FLCN: variants seen among roughly 807,000 people sequenced by gnomAD.
The protein encoded by FLCN is folliculin, also known as BHD skin lesion fibrofolliculoma protein.
A neutral mutation model predicts 62.5 loss-of-function variants in FLCN; 22 were observed. The observed-to-expected ratio is 0.35, with a 90% CI of 0.25 to 0.50. The LOEUF (loss-of-function observed/expected upper bound fraction) is 0.50. FLCN is among the 20% of genes least tolerant of loss of function. The probability of loss-of-function intolerance (pLI) is 0.97; values close to 1 mark genes in which losing one functional copy is unlikely to be tolerated. For missense variants in FLCN, 657 were observed against 778.0 expected (o/e 0.84, Z 1.85); for synonymous variants, 319 against 310.0 (o/e 1.03, Z -0.30).
chr17:17,217,493 C>A (rs765075764), intron 9 of FLCN: 2 of 424,332 alleles, frequency 4.7e-6, no homozygotes, highest in Non-Finnish European at 4.4e-6. Context: ...TCTACAGACA[C>A]TTTCTGCTGA....
intron 9 of FLCN, among the ~76,000 whole-genome samples, chr17:17,218,184 G>A (rs1207981555): frequency 1.3e-5 from 2 of 152,090 alleles, no homozygotes; most frequent in East Asian, 3.8e-4. Flanking sequence ...CCTCTCTCCC[G>A]GCATCTGACT....
Position 17,213,441 on chromosome 17 carries a change from T to C in FLCN, c.*214A>G, listed in dbSNP as rs2046808915. ...AGCCCATCATCCCTCCGCCTTTCAT[T>C]GCCATCTTCAGCGATTCCAACGGCT... On this transcript the variant is annotated 3_prime_UTR_variant, in exon 14 of 14. Coordinates refer to ENST00000285071, the MANE Select transcript of FLCN (RefSeq NM_144997.7). 1 of 642,768 alleles carries C rather than the reference T, an allele frequency of 1.6e-6. No individual in the cohort carries two copies. Among genetic ancestry groups the C allele is most frequent in the South Asian group, 1.8e-5 (1 of 54,750 alleles). 39.8% of individuals were successfully genotyped at this position (642,768 alleles called of 1,614,324 possible). A position where few individuals can be genotyped will look rare whatever the true frequency, so the allele number is the denominator to read the frequency against.
Position 17,212,852 on chromosome 17 carries a change from G to C in FLCN, c.*803C>G, listed in dbSNP as rs1183871928. 2 of 229,856 alleles carry C rather than the reference G, an allele frequency of 8.7e-6. No homozygotes were observed. Among genetic ancestry groups the C allele is most frequent in the East Asian group, 1.2e-4 (2 of 16,154 alleles). 14.2% of individuals were successfully genotyped at this position (229,856 alleles called of 1,614,324 possible). On this transcript the variant is annotated 3_prime_UTR_variant, in exon 14 of 14. Coordinates refer to ENST00000285071, the MANE Select transcript of FLCN (RefSeq NM_144997.7). ...CACCACACTCCGAAAATAGTTAACT[G>C]TAACCAAACGTAAATGTTGAAAGCA...
chr17:17,214,395 A>C (rs774631818), intron 13 of FLCN, among the ~76,000 whole-genome samples: 1 of 152,086 alleles, frequency 6.6e-6, no homozygotes, highest in Non-Finnish European at 1.5e-5. Context: ...GGAGTTCAAG[A>C]CCAGCCTGGC....
intron 9 of FLCN, among the ~76,000 whole-genome samples, chr17:17,218,692 T>G (rs993168283): frequency 1.3e-5 from 2 of 152,132 alleles, no homozygotes; most frequent in Admixed American, 6.5e-5. Context: ...GACCATCACT[T>G]ACAATGGGCA....
At chr17:17,217,030 C>T (rs41424546) in intron 10 of FLCN, 39 bp downstream of exon 10, 184,072 of 1,444,410 alleles carry the variant, frequency 0.13, 12,717 homozygotes, top group Non-Finnish European at 0.14. Flanking sequence ...CAGGCCAATA[C>T]TGCCCTGCGC....
Position 17,226,430 on chromosome 17 carries a change from AAAT to A in FLCN, c.250-111_250-109del. The A allele has an allele frequency of 3.0e-6, 4 of 1,342,550 alleles. No homozygotes were observed. In the South Asian group the frequency reaches 3.6e-5, roughly 12 times the overall value. The allele number at this position is 1,342,550 out of a possible 1,614,324, so 83.2% of individuals were successfully genotyped here. On this transcript the variant is annotated intron_variant, in intron 4 of 13. Transcript: ENST00000285071. ...GAAAACTCAAGCTATTTTTGTAAAA[AAAT>A]AATTGGCTTCCAGATTTATACTTAT...
Position 17,216,520 on chromosome 17 carries a change from G to T in FLCN, c.1177-17C>A. 1 of 1,613,480 alleles carries T rather than the reference G, an allele frequency of 6.2e-7. No homozygotes were observed. Among genetic ancestry groups the T allele is most frequent in the South Asian group, 1.1e-5 (1 of 91,022 alleles). On this transcript the variant is annotated splice_polypyrimidine_tract_variant and intron_variant, in intron 10 of 13. Coordinates refer to ENST00000285071, the MANE Select transcript of FLCN (RefSeq NM_144997.7). The surrounding 1 kb of genome is among the most constrained non-coding windows in gnomAD (Gnocchi z 4.0). ...AAGCATGGTCTGAGGAGGACAGCAG[G>T]ACTCAGACCAAGGACACGAGGAAGC...
At chr17:17,232,182 C>T (rs560861041) in intron 2 of FLCN, among the ~76,000 whole-genome samples, 9 of 152,336 alleles carry the variant, frequency 5.9e-5, no homozygotes, top group African/African-American at 2.2e-4. Context: ...CTCCACACAC[C>T]GTCACCTGGC....
At chr17:17,221,429 TCA>T (rs768439603) in intron 8 of FLCN, 106 bp downstream of exon 8, 1 of 1,613,594 alleles carries the variant, frequency 6.2e-7, no homozygotes, top group Non-Finnish European at 8.5e-7. Flanking sequence ...CTGGGCTGAT[TCA>T]GAGCCGCGTT....
chr17:17,215,807 G>A (rs1478447156), intron 11 of FLCN, among the ~76,000 whole-genome samples: 2 of 152,198 alleles, frequency 1.3e-5, no homozygotes, highest in African/African-American at 4.8e-5. Flanking sequence ...CTCGGACCAT[G>A]AGTCAGCAGC....
chr17:17,222,357 C>CAA (rs2047117571), intron 7 of FLCN, 144 bp downstream of exon 7: 1 of 1,144,322 alleles, frequency 8.7e-7, no homozygotes, highest in Non-Finnish European at 1.3e-6. Context: ...TGCTCACTGA[C>CAA]AAGTGCCCAC....
In FLCN at chr17:17,217,536, A is replaced by G. The variant is rs188594992; in HGVS notation, c.1063-354T>C. 134 of 362,116 alleles carry G rather than the reference A, an allele frequency of 3.7e-4. 1 individual carries two copies. The highest frequency in any genetic ancestry group is 2.9e-3 in the Admixed American group (74 of 25,920). 22.4% of individuals were successfully genotyped at this position (362,116 alleles called of 1,614,324 possible). A position where few individuals can be genotyped will look rare whatever the true frequency, so the allele number is the denominator to read the frequency against. Reference sequence around the variant, plus strand: ...GAAAGCAAGCTGTAGGGCCCTCGACATGGCAGCACCCAGGAGAATAAGGGC... The same window carrying G: ...GAAAGCAAGCTGTAGGGCCCTCGACGTGGCAGCACCCAGGAGAATAAGGGC... On this transcript the variant is annotated intron_variant, in intron 9 of 13. Transcript: ENST00000285071.
rs748878853 is a variant in FLCN, at chr17:17,215,187, C to T, written c.1430G>A (p.Arg477Gln). The T allele has an allele frequency of 2.5e-5, 41 of 1,613,980 alleles. No individual in the cohort carries two copies. The highest frequency in any genetic ancestry group is 3.3e-5 in the Admixed American group (2 of 60,002). Residue 477 changes from arginine (R) to glutamine (Q), a missense_variant and splice_region_variant, in exon 12 of 14, where the codon CGA (arginine) becomes CAA (glutamine). Arg to Gln is a conservative substitution (Grantham distance 43, BLOSUM62 1). Transcript: ENST00000285071. ...ACACTCTGCCTGGGGGCACCCACCTCGGTCTGCAGCTACAGGGCTCCCACT... is the reference window on the plus strand; with the variant it reads ...ACACTCTGCCTGGGGGCACCCACCTTGGTCTGCAGCTACAGGGCTCCCACT... Reference protein sequence around the residue: ...VTSGSPVAADRVGPTILNKIE... With the variant: ...VTSGSPVAADQVGPTILNKIE...
rs2046786330 is a variant in FLCN at position 17,212,279 on chromosome 17, T to G, written c.*1376A>C. On this transcript the variant is annotated 3_prime_UTR_variant, in exon 14 of 14. Coordinates refer to ENST00000285071, the MANE Select transcript of FLCN (RefSeq NM_144997.7). ...TATACAGATACCTAGTTATATAAAC[T>G]TGGTCTTCATGTTAAATATAAACAC... 5.8e-6 allele frequency: 1 copy of G among 172,896 alleles called. No homozygotes were observed. The highest frequency in any genetic ancestry group is 1.3e-5 in the Non-Finnish European group (1 of 79,838). 10.7% of individuals were successfully genotyped at this position (172,896 alleles called of 1,614,324 possible).
rs1306737502 is a variant in FLCN at position 17,215,053 on chromosome 17, C to T, written c.1470G>A (p.Leu490=). 2 of 1,614,180 alleles carry T rather than the reference C, an allele frequency of 1.2e-6. No individual in the cohort carries two copies. The highest frequency in any genetic ancestry group is 1.7e-6 in the Non-Finnish European group (2 of 1,180,036). Residue 490 remains leucine (L), a synonymous_variant, in exon 13 of 14, where the codon CTG becomes CTA. Transcript: ENST00000285071. ...CATCCACAGACAGGTTCTGGTTGGT[C>T]AGAGCCGCTTCAATCTTATTCAGGA... ...PTILNKIEAA[L]TNQNLSVDVV...
intron 1 of FLCN, 107 bp downstream of exon 1, chr17:17,236,805 G>A (rs1449169724): frequency 6.6e-6 from 1 of 152,170 alleles, no homozygotes; most frequent in East Asian, 1.9e-4. Context: ...TCAGGGTCTC[G>A]GCGACGCCCT....
chr17:17,225,086 T>C (rs1231378946), intron 5 of FLCN: 1 of 152,156 alleles, frequency 6.6e-6, no homozygotes, highest in East Asian at 1.9e-4. Context: ...GAATTCTTTG[T>C]AACAAAGACC....
chr17:17,214,319 G>C (rs531814962), intron 13 of FLCN, among the ~76,000 whole-genome samples: 1 of 151,858 alleles, frequency 6.6e-6, no homozygotes, highest in East Asian at 1.9e-4. Context: ...CGGGGGGCCA[G>C]GTGCAGTGGC....
Sources: allele counts gnomAD v4.1 joint callset (sites outside exome capture counted in the v4.1 genomes callset), GRCh38; gene constraint gnomAD v4.1.1; non-coding constraint Gnocchi (gnomAD v3.1); transcripts MANE v1.5; gene names NCBI Gene and HGNC (gene_info 2026-07-23, HGNC 2026-07-21).